Variants in TCF4 observed in about 807,000 individuals in gnomAD.
TCF4 encodes SL3-3 enhancer factor 2.
In TCF4, 3 loss-of-function variants were observed where a neutral mutation model predicts 82.1. The ratio of observed to expected loss-of-function variants is 0.04; its 90% CI spans 0.02 to 0.09. The LOEUF is 0.09. Ranked by LOEUF, TCF4 falls within the 10% of genes least tolerant of loss-of-function variation. TCF4 has a pLI of 1.00. For missense variants in TCF4, 518 were observed against 852.7 expected, an observed-to-expected ratio of 0.61 and a Z score of 4.89; for synonymous variants, 276 against 309.6, an observed-to-expected ratio of 0.89 and a Z score of 1.14.
At chr18:55,403,396 C>G in intron 6 of TCF4, 58 bp downstream of exon 6, 1 of 1,594,200 alleles carries the variant, frequency 6.3e-7, no homozygotes, top group South Asian at 1.1e-5. Flanking sequence ...ATTTAGAAAA[C>G]AAACTGATTT....
chr18:55,422,302 G>T (rs2094801734), intron 5 of TCF4: 6 of 985,252 alleles, frequency 6.1e-6, no homozygotes, highest in Non-Finnish European at 7.2e-6. Flanking sequence ...GAATCTGCCA[G>T]CCAGAGGACA....
At position 55,585,801 on chromosome 18, in the gene TCF4, A is replaced by G. The variant is rs564274076; in HGVS notation, c.73-449T>C. On this transcript the variant is annotated intron_variant, in intron 2 of 19. Coordinates refer to ENST00000354452, the MANE Select transcript of TCF4 (RefSeq NM_001083962.2). ...TCATATGTGAACCCAAATAAAAATA[A>G]AAGTGCCACCTGCACTAAATTCTCA... 2.2e-5 allele frequency: 24 copies of G among 1,105,586 alleles called. No homozygotes were observed. In the East Asian group the frequency reaches 1.1e-3, roughly 51 times the overall value. The allele number at this position is 1,105,586 out of a possible 1,614,324, so 68.5% of individuals were successfully genotyped here.
chr18:55,533,474 A>G (rs2097088616), intron 3 of TCF4, among the ~76,000 whole-genome samples: 1 of 152,192 alleles, frequency 6.6e-6, no homozygotes, highest in Non-Finnish European at 1.5e-5. Flanking sequence ...CTGGGCACAC[A>G]GCTGGAACCC....
intron 15 of TCF4, among the ~76,000 whole-genome samples, chr18:55,241,946 AT>A (rs1171444909): frequency 6.6e-6 from 1 of 152,174 alleles, no homozygotes; most frequent in African/African-American, 2.4e-5. Flanking sequence ...CCCAGGACCA[AT>A]GCAGTTCCCT....
chr18:55,528,266 C>T (rs1238655942), intron 3 of TCF4, among the ~76,000 whole-genome samples: 2 of 152,168 alleles, frequency 1.3e-5, no homozygotes, highest in Non-Finnish European at 2.9e-5. Flanking sequence ...TCTTAGGTAT[C>T]TAATGTTTGG....
intron 11 of TCF4, chr18:55,264,860 A>G (rs1197746697): frequency 6.6e-6 from 1 of 152,210 alleles, no homozygotes; most frequent in Admixed American, 6.5e-5. Context: ...GAGCTGTAAC[A>G]TACAAATATG....
intron 3 of TCF4, among the ~76,000 whole-genome samples, chr18:55,570,727 C>G (rs2097456094): frequency 6.6e-6 from 1 of 151,558 alleles, no homozygotes; most frequent in African/African-American, 2.4e-5. Flanking sequence ...ACAAAAAATA[C>G]AAAAATTAGC....
chr18:55,536,386 T>C (rs1307972151), intron 3 of TCF4, among the ~76,000 whole-genome samples: 2 of 152,158 alleles, frequency 1.3e-5, no homozygotes, highest in African/African-American at 4.8e-5. Flanking sequence ...TAAACCTCTT[T>C]CAGCTTCAGA....
chr18:55,395,461 G>A (rs1323698330), intron 6 of TCF4, among the ~76,000 whole-genome samples: 4 of 152,060 alleles, frequency 2.6e-5, no homozygotes, highest in African/African-American at 7.2e-5. Flanking sequence ...CCATTTCTTC[G>A]GTGTCTCATA....
chr18:55,556,851 G>A (rs1326470402), intron 3 of TCF4, among the ~76,000 whole-genome samples: 1 of 152,178 alleles, frequency 6.6e-6, no homozygotes, highest in Non-Finnish European at 1.5e-5. Flanking sequence ...AAACTTAAGA[G>A]AATTCTGTTG....
intron 2 of TCF4, 158 bp downstream of exon 2, chr18:55,586,887 G>C: frequency 3.3e-6 from 2 of 599,154 alleles, no homozygotes; most frequent in Admixed American, 2.6e-5. Context: ...CAAAATTATA[G>C]TTAAAAACTT....
At chr18:55,433,661 T>G (rs1241313697) in intron 5 of TCF4, among the ~76,000 whole-genome samples, 1 of 152,242 alleles carries the variant, frequency 6.6e-6, no homozygotes, top group Non-Finnish European at 1.5e-5. Context: ...CAACTGTGTG[T>G]GCTGCTGATG....
At chr18:55,434,309 T>C (rs1015378497) in intron 5 of TCF4, among the ~76,000 whole-genome samples, 21 of 152,200 alleles carry the variant, frequency 1.4e-4, no homozygotes, top group African/African-American at 5.1e-4. Context: ...TTTTGTTTGC[T>C]GGCTGCATGA....
At chr18:55,260,869 C>T (rs373226418) in intron 12 of TCF4, among the ~76,000 whole-genome samples, 11 of 152,120 alleles carry the variant, frequency 7.2e-5, no homozygotes, top group African/African-American at 2.7e-4. Context: ...CCTCCACTTA[C>T]ATTTCTAAAT....
At chr18:55,232,241 A>G (rs2048125261) in intron 17 of TCF4, 1 of 409,776 alleles carries the variant, frequency 2.4e-6, no homozygotes. Flanking sequence ...AGTTTTACAA[A>G]TAAACTGTAC....
chr18:55,401,928 C>A, intron 6 of TCF4: 1 of 854,388 alleles, frequency 1.2e-6, no homozygotes, highest in Non-Finnish European at 1.4e-6. Flanking sequence ...TAATGACCTC[C>A]GCCTTGACCC....
At chr18:55,622,012 A>G (rs1394470954) in intron 2 of TCF4, among the ~76,000 whole-genome samples, 1 of 133,726 alleles carries the variant, frequency 7.5e-6, no homozygotes, top group Non-Finnish European at 1.5e-5. Flanking sequence ...TACACTATAT[A>G]TATTATATAC....
intron 3 of TCF4, among the ~76,000 whole-genome samples, chr18:55,580,742 ATGTGTGTGTGTGTG>A (rs5825144): frequency 0.028 from 4,097 of 145,370 alleles, 86 homozygotes; most frequent in Middle Eastern, 0.05. Flanking sequence ...GAGCTGTCTG[ATGTGTGTGTGTGTG>A]TGTGTGTGTG....
At chr18:55,330,266 T>C (rs879529397) in intron 8 of TCF4, among the ~76,000 whole-genome samples, 2 of 145,832 alleles carry the variant, frequency 1.4e-5, no homozygotes, top group Non-Finnish European at 3.0e-5. Context: ...CTGCAACCTC[T>C]ACCTCCCGGG....
Sources: allele counts gnomAD v4.1 joint callset (sites outside exome capture counted in the v4.1 genomes callset), GRCh38; gene constraint gnomAD v4.1.1; transcripts MANE v1.5; gene names NCBI Gene and HGNC (gene_info 2026-07-23, HGNC 2026-07-21).